Variants in SLC6A15 observed in about 807,000 individuals in gnomAD.
SLC6A15 encodes sodium-dependent neutral amino acid transporter B(0)AT2.
SLC6A15 carries 33 observed loss-of-function variants against 68.5 expected under a neutral mutation model. That is an observed-to-expected ratio of 0.48 (90% CI 0.37 to 0.64). The LOEUF (loss-of-function observed/expected upper bound fraction) is 0.64. Among genes scored for constraint, SLC6A15 ranks in the 30% least tolerant of loss-of-function variants. The pLI, the probability that SLC6A15 is intolerant of heterozygous loss-of-function variation, is 0.00. For synonymous variants in SLC6A15, 347 were observed against 301.0 expected (o/e 1.15, Z -1.58); for missense variants, 747 against 874.3 (o/e 0.85, Z 1.84).
intron 1 of SLC6A15, among the ~76,000 whole-genome samples, chr12:84,907,121 G>A (rs1406099050): frequency 1.3e-5 from 2 of 152,100 alleles, no homozygotes; most frequent in Non-Finnish European, 2.9e-5. Flanking sequence ...AGGCCCAGAC[G>A]GGTGGATCAT....
At chr12:84,905,668 G>A (rs11831467) in intron 1 of SLC6A15, among the ~76,000 whole-genome samples, 6,218 of 152,248 alleles carry the variant, frequency 0.041, 393 homozygotes, top group African/African-American at 0.14. Context: ...ATTCATCTGT[G>A]GGTCCTGCAT....
intron 1 of SLC6A15, among the ~76,000 whole-genome samples, chr12:84,892,716 A>G (rs1592608700): frequency 6.6e-6 from 1 of 152,202 alleles, no homozygotes. Context: ...AATTTGTCTC[A>G]TATATAATCT....
intron 2 of SLC6A15, among the ~76,000 whole-genome samples, chr12:84,887,066 T>A (rs1872143834): frequency 6.6e-6 from 1 of 152,156 alleles, no homozygotes; most frequent in African/African-American, 2.4e-5. Flanking sequence ...CCTCAGCCTG[T>A]GGAGGTCGTT....
chr12:84,893,785 T>C (rs913577791), intron 1 of SLC6A15, among the ~76,000 whole-genome samples: 1 of 152,170 alleles, frequency 6.6e-6, no homozygotes, highest in African/African-American at 2.4e-5. Context: ...TGCCTTTAGG[T>C]TGGGATGATG....
At chr12:84,910,432 T>C (rs1247800709) in intron 1 of SLC6A15, among the ~76,000 whole-genome samples, 3 of 152,050 alleles carry the variant, frequency 2.0e-5, no homozygotes, top group African/African-American at 7.2e-5. Context: ...CAACAACACA[T>C]AAAAATAAAA....
rs1397797228 is a variant in SLC6A15, at chr12:84,888,870, T to A, written c.290-2802A>T. 2.0e-5 allele frequency among the ~76,000 whole-genome samples: 3 copies of A among 152,296 alleles called. No homozygotes were observed. In the East Asian group the frequency reaches 5.8e-4, roughly 29 times the overall value. On this transcript the variant is annotated intron_variant, in intron 2 of 11. Transcript: ENST00000266682. The stretch of plus-strand genomic sequence containing the variant: ...GCTTCCTGGCCTTTTTCTTTACTCC[T>A]GTCTCCCACTCTTTTTTTGTCCCTG...
chr12:84,887,174 C>G (rs1368297038), intron 2 of SLC6A15, among the ~76,000 whole-genome samples: 1 of 152,200 alleles, frequency 6.6e-6, no homozygotes, highest in Non-Finnish European at 1.5e-5. Flanking sequence ...CAACTAGATA[C>G]TGTTAAATGT....
At chr12:84,907,062 G>A (rs545551131) in intron 1 of SLC6A15, among the ~76,000 whole-genome samples, 2 of 151,970 alleles carry the variant, frequency 1.3e-5, no homozygotes, top group Non-Finnish European at 2.9e-5. Context: ...CTTAAAACTC[G>A]ACCGTTGCCA....
chr12:84,879,806 C>T (rs1161407901), intron 5 of SLC6A15, among the ~76,000 whole-genome samples: 1 of 147,260 alleles, frequency 6.8e-6, no homozygotes, highest in African/African-American at 2.4e-5. Context: ...TTGTGGGTTC[C>T]ATGAGGACAG....
chr12:84,873,194 A>T lies in SLC6A15; in HGVS notation c.1002T>A (p.Ala334=), dbSNP rs760068660. The change falls in exon 7 of 12, where the codon GCT becomes GCA. Residue 334 remains alanine (A), a synonymous_variant. Transcript: ENST00000266682. The part of the protein sequence containing the change: ...NKRDNNCHFD[A]VLVSFINFFT... ...AAAAATTGATGAAGGACACCAGGAC[A>T]GCATCAAAGTGGCAGTTGTTGTCTC... 38 of 1,614,046 alleles carry T rather than the reference A, an allele frequency of 2.4e-5. No homozygotes were observed. The highest frequency in any genetic ancestry group is 2.7e-5 in the Non-Finnish European group (32 of 1,180,012).
At position 84,892,081 on chromosome 12, in the gene SLC6A15, C is replaced by A. The variant is rs1330988332; in HGVS notation, c.40G>T (p.Asp14Tyr). 6.2e-7 allele frequency: 1 copy of A among 1,610,430 alleles called. No homozygotes were observed. The highest frequency in any genetic ancestry group is 8.5e-7 in the Non-Finnish European group (1 of 1,178,526). ...NSKVVKRELD[D>Y]DVTESVKDLL... ...TCTTTGACAGACTCAGTAACATCAT[C>A]ATCTAATTCTCTTTTTACCACCTTG... The change falls in exon 2 of 12, where the codon GAT (aspartate) becomes TAT (tyrosine). Residue 14 changes from aspartate (D) to tyrosine (Y), a missense_variant. By Grantham distance (160) the Asp-to-Tyr change is radical (BLOSUM62 -3). Coordinates refer to ENST00000266682, the MANE Select transcript of SLC6A15 (RefSeq NM_182767.6).
chr12:84,863,306 C>A (rs971925781), intron 11 of SLC6A15, 133 bp downstream of exon 11: 33 of 624,742 alleles, frequency 5.3e-5, no homozygotes, highest in Non-Finnish European at 8.1e-5. Context: ...AAACGTAAAT[C>A]TCATATCCTT....
At chr12:84,870,451 A>G in intron 9 of SLC6A15, 27 bp downstream of exon 9, 2 of 1,481,184 alleles carry the variant, frequency 1.4e-6, no homozygotes, top group Non-Finnish European at 1.8e-6. Context: ...GATTTGTTCA[A>G]TGAAAAGTCA....
intron 1 of SLC6A15, among the ~76,000 whole-genome samples, chr12:84,899,014 TCTAA>T (rs527466097): frequency 2.0e-5 from 3 of 152,326 alleles, no homozygotes; most frequent in South Asian, 4.1e-4. Flanking sequence ...TCTAATATGG[TCTAA>T]CTGACATTCT....
intron 11 of SLC6A15, 82 bp downstream of exon 11, chr12:84,863,357 G>T: frequency 9.8e-7 from 1 of 1,025,296 alleles, no homozygotes; most frequent in South Asian, 1.7e-5. Context: ...AAAAAATACT[G>T]TGATGGAGAC....
intron 1 of SLC6A15, among the ~76,000 whole-genome samples, chr12:84,904,894 C>T (rs767908824): frequency 1.7e-4 from 26 of 152,092 alleles, no homozygotes; most frequent in Non-Finnish European, 3.4e-4. Flanking sequence ...AGAAATAGAA[C>T]ATTTAATAGC....
At chr12:84,872,032 C>A (rs1003555587) in intron 8 of SLC6A15, among the ~76,000 whole-genome samples, 3 of 151,882 alleles carry the variant, frequency 2.0e-5, no homozygotes, top group African/African-American at 7.3e-5. Context: ...GTGGTATGTG[C>A]CTGTAATCCC....
At chr12:84,883,487 T>A (rs184059911) in intron 5 of SLC6A15, 160 of 1,219,736 alleles carry the variant, frequency 1.3e-4, no homozygotes, top group Admixed American at 2.5e-4. Context: ...ACAAAATGAA[T>A]GAATTACTCA....
At chr12:84,902,556 T>C (rs1872934030) in intron 1 of SLC6A15, among the ~76,000 whole-genome samples, 2 of 151,916 alleles carry the variant, frequency 1.3e-5, no homozygotes, top group Admixed American at 6.6e-5. Context: ...CAAATGTCCA[T>C]AGCAGCTTTA....
Sources: gnomAD v4.1 joint callset for allele counts (sites outside exome capture counted in the v4.1 genomes callset) on GRCh38, gnomAD v4.1.1 for gene constraint, MANE v1.5 for transcripts, NCBI Gene and HGNC (gene_info 2026-07-23, HGNC 2026-07-21) for gene names.